The following ABCA8 variants were observed in gnomAD, a reference collection of about 807,000 sequenced individuals.
ABCA8 encodes ABC-type organic anion transporter ABCA8.
Under a neutral mutation model 192.3 loss-of-function variants are expected in ABCA8, and 177 were observed. The ratio of observed to expected loss-of-function variants is 0.92; its 90% confidence interval spans 0.81 to 1.04. The LOEUF (loss-of-function observed/expected upper bound fraction) is 1.04. ABCA8 is among the 50% of genes least tolerant of loss of function. ABCA8 has a pLI of 0.00. For synonymous variants in ABCA8, 642 were observed against 690.2 expected, an observed-to-expected ratio of 0.93 and a Z score of 1.09; for missense variants, 1,915 against 1,904.8, an observed-to-expected ratio of 1.01 and a Z score of -0.10.
At chr17:68,889,187 GA>G (rs555541403) in intron 24 of ABCA8, among the ~76,000 whole-genome samples, 69 of 152,252 alleles carry the variant, frequency 4.5e-4, no homozygotes, top group African/African-American at 1.5e-3. Flanking sequence ...CAGAGAGAGA[GA>G]AAAAACGAAA....
chr17:68,918,207 A>G, intron 15 of ABCA8, 22 bp from the exon 16 acceptor site: 1 of 1,612,620 alleles, frequency 6.2e-7, no homozygotes, highest in Non-Finnish European at 8.5e-7. Flanking sequence ...GAAAGTATAT[A>G]AGGCGGTTTT....
chr17:68,886,851 T>C (rs187359076), intron 26 of ABCA8, 166 bp downstream of exon 26: 1 of 381,888 alleles, frequency 2.6e-6, no homozygotes, highest in Non-Finnish European at 4.6e-6. Context: ...TATTAGGGAC[T>C]TTGGTGAAGT....
chr17:68,905,113 T>C (rs985254199), intron 19 of ABCA8, among the ~76,000 whole-genome samples: 1 of 152,218 alleles, frequency 6.6e-6, no homozygotes, highest in South Asian at 2.1e-4. Context: ...ACTTGCCAAA[T>C]ACAAATTAGA....
intron 2 of ABCA8, among the ~76,000 whole-genome samples, chr17:68,946,092 G>A (rs989172792): frequency 1.3e-5 from 2 of 151,124 alleles, no homozygotes; most frequent in African/African-American, 4.9e-5. Context: ...TTTTGAGATG[G>A]AGTCTCACTG....
At position 68,928,049 on chromosome 17, in the gene ABCA8, G is replaced by T; in HGVS notation, c.1140C>A (p.Asp380Glu). 2 of 1,588,102 alleles carry T rather than the reference G, an allele frequency of 1.3e-6. No homozygotes were observed. Among genetic ancestry groups the T allele is most frequent in the African/African-American group, 2.7e-5 (2 of 73,466 alleles). The change falls in exon 10 of 40, where the codon GAC (aspartate) becomes GAA (glutamate). Residue 380 changes from aspartate (D) to glutamate (E), a missense_variant. By Grantham distance (45) the Asp-to-Glu change is conservative. Coordinates refer to ENST00000586539, the MANE Select transcript of ABCA8 (RefSeq NM_001288985.2). ...GAAATGCATTAGAATTCAAATCATAGTCCAAGTGTAAAAGCTGAAAATTAA... is the reference window on the plus strand; with the variant it reads ...GAAATGCATTAGAATTCAAATCATATTCCAAGTGTAAAAGCTGAAAATTAA... Reference protein sequence around the residue: ...MLGMAQLLHLDYDLNSNAFPH... With the variant: ...MLGMAQLLHLEYDLNSNAFPH...
rs2066671525 is a variant in ABCA8 at position 68,893,714 on chromosome 17, A to ATT, written c.3036+458_3036+459insAA. Among the ~76,000 whole-genome samples the ATT allele has an allele frequency of 2.9e-5, 3 of 102,464 alleles. No homozygotes were observed. The South Asian group carries it at 1.1e-3, about 36-fold the overall frequency. 67.2% of individuals were successfully genotyped at this position (102,464 alleles called of 152,430 possible). A position where few individuals can be genotyped will look rare whatever the true frequency, so the allele number is the denominator to read the frequency against. ...TGTAAGATTTCATTTTTATTGCTTC[A>ATT]TATTCTCTTTTTTTTTTTTTCCTTT... On this transcript the variant is annotated intron_variant, in intron 23 of 39. Coordinates refer to ENST00000586539, the MANE Select transcript of ABCA8 (RefSeq NM_001288985.2).
chr17:68,909,963 T>C (rs1567852235), intron 17 of ABCA8, among the ~76,000 whole-genome samples: 1 of 152,196 alleles, frequency 6.6e-6, no homozygotes, highest in Non-Finnish European at 1.5e-5. Flanking sequence ...TCAGGTTCAA[T>C]TTCTGATTCC....
rs189333991 is a variant in ABCA8 at position 68,872,791 on chromosome 17, G to A, written c.4631+2469C>T. Among the ~76,000 whole-genome samples the A allele has an allele frequency of 3.7e-3, 562 of 151,886 alleles. 3 individuals are homozygous for A. Among genetic ancestry groups the A allele is most frequent in the African/African-American group, 0.013 (531 of 41,480 alleles). On this transcript the variant is annotated intron_variant, in intron 37 of 39. Coordinates refer to ENST00000586539, the MANE Select transcript of ABCA8 (RefSeq NM_001288985.2). The stretch of plus-strand genomic sequence containing the variant: ...TGTGTCTCACTTTTTAATAAAAAAT[G>A]TTAAGTAGAAAAAACAAATGAATAA...
intron 4 of ABCA8, among the ~76,000 whole-genome samples, chr17:68,938,220 T>C (rs950176316): frequency 6.6e-6 from 1 of 151,836 alleles, no homozygotes; most frequent in African/African-American, 2.4e-5. Flanking sequence ...AATGGTGTGA[T>C]GCTTGGTGAG....
intron 35 of ABCA8, among the ~76,000 whole-genome samples, chr17:68,876,015 G>T (rs2066195771): frequency 6.6e-6 from 1 of 152,170 alleles, no homozygotes; most frequent in Non-Finnish European, 1.5e-5. Context: ...TTTGTGAGAA[G>T]TCTGTGTGAA....
intron 16 of ABCA8, 113 bp downstream of exon 16, chr17:68,917,934 T>C: frequency 7.8e-7 from 1 of 1,280,804 alleles, no homozygotes; most frequent in Admixed American, 2.4e-5. Context: ...CCATTCAATT[T>C]ACCAGATACA....
chr17:68,876,177 T>C, intron 35 of ABCA8: 1 of 516,242 alleles, frequency 1.9e-6, no homozygotes, highest in Non-Finnish European at 3.5e-6. Context: ...TACGTGATTG[T>C]GATCTAGAAA....
chr17:68,925,012 T>G (rs1486306063), intron 10 of ABCA8, 143 bp from the exon 11 acceptor site: 1 of 691,482 alleles, frequency 1.4e-6, no homozygotes, highest in Non-Finnish European at 2.3e-6. Context: ...TTTTGACACA[T>G]GTAGCTTCAT....
chr17:68,876,208 A>T (rs2066200340), intron 35 of ABCA8: 1 of 557,320 alleles, frequency 1.8e-6, no homozygotes, highest in South Asian at 2.1e-5. Context: ...AGATCAGCTG[A>T]GCGCTTATGA....
intron 17 of ABCA8, among the ~76,000 whole-genome samples, chr17:68,916,461 G>A (rs915848096): frequency 9.2e-5 from 14 of 151,986 alleles, no homozygotes; most frequent in African/African-American, 2.2e-4. Flanking sequence ...ATTATGTACC[G>A]TATGCCTGTA....
At chr17:68,941,633 T>C (rs2068232541) in intron 3 of ABCA8, among the ~76,000 whole-genome samples, 2 of 152,170 alleles carry the variant, frequency 1.3e-5, no homozygotes, top group African/African-American at 2.4e-5. Context: ...GTCAGTATCT[T>C]AACCCTAGTC....
chr17:68,938,878 T>C (rs923235660), intron 4 of ABCA8, among the ~76,000 whole-genome samples: 3 of 152,200 alleles, frequency 2.0e-5, no homozygotes, highest in African/African-American at 7.2e-5. Flanking sequence ...TCAGTTAGGT[T>C]TGGTATAATC....
intron 28 of ABCA8, 32 bp downstream of exon 28, chr17:68,884,299 G>T: frequency 6.6e-7 from 1 of 1,518,350 alleles, no homozygotes; most frequent in Middle Eastern, 2.0e-4. Context: ...TTAGTAAAAA[G>T]TGATAATTTT....
intron 17 of ABCA8, 119 bp downstream of exon 17, chr17:68,917,241 CA>C: frequency 1.6e-6 from 1 of 642,244 alleles, no homozygotes; most frequent in Non-Finnish European, 2.6e-6. Context: ...TACTCCGTCT[CA>C]AAAACAAAAC....
Sources: allele counts gnomAD v4.1 joint callset (sites outside exome capture counted in the v4.1 genomes callset), GRCh38; gene constraint gnomAD v4.1.1; transcripts MANE v1.5; gene names NCBI Gene and HGNC (gene_info 2026-07-23, HGNC 2026-07-21).